The following TUSC3 variants were observed in gnomAD, a reference collection of about 807,000 sequenced individuals.
TUSC3 encodes dolichyl-diphosphooligosaccharide--protein glycosyltransferase subunit TUSC3.
In TUSC3, 45 loss-of-function variants were observed where a neutral mutation model predicts 44.8. The observed-to-expected ratio is 1.00, with a 90% CI of 0.79 to 1.29. TUSC3 has a LOEUF of 1.29. Among genes scored for constraint, TUSC3 ranks in the 50% most tolerant of loss-of-function variants. The pLI is 0.00. For missense variants in TUSC3, 519 were observed against 437.9 expected, an observed-to-expected ratio of 1.19 and a Z score of -1.65; for synonymous variants, 212 against 152.9, an observed-to-expected ratio of 1.39 and a Z score of -2.85.
chr8:15,745,860 C>T (rs1161339167), intron 8 of TUSC3, among the ~76,000 whole-genome samples: 2 of 143,398 alleles, frequency 1.4e-5, no homozygotes, highest in Non-Finnish European at 3.1e-5. Flanking sequence ...TTTGCCAAGG[C>T]CAATGTTGAG....
chr8:15,547,343 C>G (rs939844251), intron 1 of TUSC3, among the ~76,000 whole-genome samples: 1 of 151,536 alleles, frequency 6.6e-6, no homozygotes, highest in African/African-American at 2.4e-5. Flanking sequence ...ACGGAGTTTT[C>G]TCTGCTTGGA....
the TUSC3 span, among the ~76,000 whole-genome samples, chr8:15,839,080 T>C: frequency 1.3e-5 from 2 of 152,140 alleles, no homozygotes; most frequent in African/African-American, 2.4e-5. Flanking sequence ...TCACATCCCT[T>C]GTAAGTTGGA....
rs1333698573 is a variant in TUSC3 at position 15,486,963 on chromosome 8, TCAGC to T, written n.189+3484_189+3487del. On this transcript the variant is annotated intron_variant and non_coding_transcript_variant, in intron 2 of 5. Transcript: ENST00000503191. ...CTTTTTAATATAACCGTTAGTTGAT[TCAGC>T]CAGTCATCTAACACACTATCTTATT... Among the ~76,000 whole-genome samples, 7 of 152,358 alleles carry T rather than the reference TCAGC, an allele frequency of 4.6e-5. No individual in the cohort carries two copies. In the South Asian group the frequency reaches 1.4e-3, roughly 32 times the overall value.
At chr8:15,502,406 C>T (rs1241924965) in intron 2 of TUSC3, among the ~76,000 whole-genome samples, 2 of 152,214 alleles carry the variant, frequency 1.3e-5, no homozygotes, top group African/African-American at 4.8e-5. Flanking sequence ...CTTCTGCAAC[C>T]ATCAGGACTA....
At chr8:15,491,222 C>T (rs943765141) in intron 2 of TUSC3, among the ~76,000 whole-genome samples, 8 of 152,124 alleles carry the variant, frequency 5.3e-5, no homozygotes, top group Non-Finnish European at 7.3e-5. Context: ...TCCTTTGTCC[C>T]GTACCTATGA....
intron 6 of TUSC3, among the ~76,000 whole-genome samples, chr8:15,730,248 C>T (rs191752503): frequency 2.9e-4 from 44 of 152,026 alleles, no homozygotes; most frequent in African/African-American, 6.0e-4. Context: ...AAGCTGACTC[C>T]GTATTTTAAA....
chr8:15,472,162 C>G (rs933115699), intron 1 of TUSC3, among the ~76,000 whole-genome samples: 1 of 152,090 alleles, frequency 6.6e-6, no homozygotes. Context: ...TGGAATTGAC[C>G]TGTTTCAAAT....
At chr8:15,690,897 C>T (rs1326107343) in intron 6 of TUSC3, among the ~76,000 whole-genome samples, 1 of 151,726 alleles carries the variant, frequency 6.6e-6, no homozygotes, top group African/African-American at 2.4e-5. Flanking sequence ...GTTGTGGTTA[C>T]TGTAGCATTG....
At chr8:15,610,673 A>C (rs940207391) in intron 1 of TUSC3, among the ~76,000 whole-genome samples, 9 of 152,212 alleles carry the variant, frequency 5.9e-5, no homozygotes, top group Admixed American at 2.6e-4. Context: ...GAGACTGGCA[A>C]ATTGAAGTAA....
intron 1 of TUSC3, among the ~76,000 whole-genome samples, chr8:15,447,815 G>C (rs141913666): frequency 6.6e-6 from 1 of 151,198 alleles, no homozygotes; most frequent in East Asian, 1.9e-4. Context: ...AAATGAGATG[G>C]TAAGTGATAC....
At chr8:15,796,327 A>G in the TUSC3 span, among the ~76,000 whole-genome samples, 1 of 152,126 alleles carries the variant, frequency 6.6e-6, no homozygotes, top group Admixed American at 6.5e-5. Flanking sequence ...GCTGTGAATT[A>G]CTTTCACAGT....
intron 1 of TUSC3, among the ~76,000 whole-genome samples, chr8:15,608,627 A>T (rs1438242142): frequency 6.6e-6 from 1 of 152,092 alleles, no homozygotes; most frequent in Non-Finnish European, 1.5e-5. Flanking sequence ...GGTTTCCCCC[A>T]TGTTGTTCTT....
At chr8:15,460,622 G>T (rs1233217154) in intron 1 of TUSC3, among the ~76,000 whole-genome samples, 1 of 152,086 alleles carries the variant, frequency 6.6e-6, no homozygotes, top group Non-Finnish European at 1.5e-5. Context: ...GTCTAGAAGG[G>T]TTTTTCCAAT....
At chr8:15,562,474 A>C (rs901322842) in intron 1 of TUSC3, among the ~76,000 whole-genome samples, 1 of 152,118 alleles carries the variant, frequency 6.6e-6, no homozygotes. Context: ...AATTGCCACA[A>C]TTTAGTGGCT....
intron 2 of TUSC3, among the ~76,000 whole-genome samples, chr8:15,511,502 C>A (rs181426918): frequency 6.6e-6 from 1 of 152,086 alleles, no homozygotes; most frequent in Non-Finnish European, 1.5e-5. Flanking sequence ...CAGTCAGAAC[C>A]TTAAATTTTA....
At chr8:15,735,951 A>G (rs991819893) in intron 7 of TUSC3, among the ~76,000 whole-genome samples, 3 of 150,750 alleles carry the variant, frequency 2.0e-5, no homozygotes, top group African/African-American at 7.3e-5. Context: ...GATGGTCTCG[A>G]TCTCCTGACC....
chr8:15,424,054 T>C (rs1219363642), intron 1 of TUSC3, among the ~76,000 whole-genome samples: 1 of 142,486 alleles, frequency 7.0e-6, no homozygotes, highest in African/African-American at 2.5e-5. Flanking sequence ...GCACTGGTGC[T>C]ATCTTGGCTC....
intron 3 of TUSC3, among the ~76,000 whole-genome samples, chr8:15,655,380 C>T (rs1472120703): frequency 2.6e-5 from 4 of 152,162 alleles, no homozygotes; most frequent in Non-Finnish European, 5.9e-5. Context: ...AGCATGTGCA[C>T]AACTTCAGTA....
At chr8:15,437,291 A>G (rs569556677) in intron 1 of TUSC3, among the ~76,000 whole-genome samples, 1 of 152,228 alleles carries the variant, frequency 6.6e-6, no homozygotes, top group South Asian at 2.1e-4. Context: ...GATAAAAGCA[A>G]AAGGGGTTAT....
Sources: allele counts gnomAD v4.1 joint callset (sites outside exome capture counted in the v4.1 genomes callset), GRCh38; gene constraint gnomAD v4.1.1; transcripts MANE v1.5; gene names NCBI Gene and HGNC (gene_info 2026-07-23, HGNC 2026-07-21).